Variants in SLC7A7 observed in about 807,000 individuals in gnomAD.
SLC7A7 encodes Y+L amino acid transporter 1.
SLC7A7 carries 39 observed loss-of-function variants against 47.9 expected under a neutral mutation model. The ratio of observed to expected loss-of-function variants is 0.81; its 90% CI spans 0.63 to 1.06. SLC7A7 has a LOEUF of 1.06. Among genes scored for constraint, SLC7A7 ranks in the 50% least tolerant of loss-of-function variants. The probability of loss-of-function intolerance (pLI) is 0.00; values close to 1 mark genes in which losing one functional copy is unlikely to be tolerated. For missense variants in SLC7A7, 588 were observed against 632.0 expected (o/e 0.93, Z 0.75); for synonymous variants, 234 against 242.8 (o/e 0.96, Z 0.34).
chr14:22,815,537 C>T (rs780754125), upstream of SLC7A7: 2 of 454,230 alleles, frequency 4.4e-6, no homozygotes, highest in South Asian at 3.1e-5. Context: ...ATTAAGCAAC[C>T]ATCTGGGTCC....
intron 4 of SLC7A7, among the ~76,000 whole-genome samples, chr14:22,777,404 G>GT (rs1469604286): frequency 6.6e-6 from 1 of 152,166 alleles, no homozygotes; most frequent in African/African-American, 2.4e-5. Flanking sequence ...AGAAGTGTAT[G>GT]TATCTGACTA....
intron 2 of SLC7A7, among the ~76,000 whole-genome samples, chr14:22,792,101 C>G (rs1000455047): frequency 1.3e-5 from 2 of 151,976 alleles, no homozygotes; most frequent in Non-Finnish European, 2.9e-5. Flanking sequence ...TCCCAAAGTG[C>G]TGGGATTACA....
intron 2 of SLC7A7, among the ~76,000 whole-genome samples, chr14:22,787,934 G>A (rs11157817): frequency 0.57 from 86,732 of 151,228 alleles, 25,975 homozygotes; most frequent in East Asian, 0.8. Flanking sequence ...TTAGCCGGGC[G>A]TGGTGGCGGG....
chr14:22,777,469 C>A lies in SLC7A7; in HGVS notation c.771-1151G>T, dbSNP rs933593824. Among the ~76,000 whole-genome samples the A allele has an allele frequency of 1.4e-4, 22 of 152,132 alleles. 2 individuals are homozygous for A. Among genetic ancestry groups the A allele is most frequent in the Admixed American group, 1.2e-3 (19 of 15,260 alleles). On this transcript the variant is annotated intron_variant, in intron 4 of 9. Coordinates refer to ENST00000674313, the MANE Select transcript of SLC7A7 (RefSeq NM_003982.4). ...TTCCTCAGTTTGAGAACCTCAGGAG[C>A]CATCCTAACTGGTGGGCAAAAGAAA...
intron 2 of SLC7A7, among the ~76,000 whole-genome samples, chr14:22,795,606 C>T (rs1235300117): frequency 6.6e-6 from 1 of 151,966 alleles, no homozygotes; most frequent in Admixed American, 6.6e-5. Flanking sequence ...TCCCGAGTAG[C>T]TGGGACCACA....
At chr14:22,807,075 A>G (rs2039225598) in intron 2 of SLC7A7, among the ~76,000 whole-genome samples, 1 of 151,720 alleles carries the variant, frequency 6.6e-6, no homozygotes, top group East Asian at 1.9e-4. Context: ...TTTTTTCTGT[A>G]TTTTTAGTAA....
chr14:22,811,273 T>G (rs192142575), intron 2 of SLC7A7, among the ~76,000 whole-genome samples: 78 of 152,320 alleles, frequency 5.1e-4, no homozygotes, highest in Non-Finnish European at 6.3e-4. Flanking sequence ...CAATTGCACC[T>G]GGTGCAAAAT....
chr14:22,811,086 A>C (rs913019429), intron 2 of SLC7A7, among the ~76,000 whole-genome samples: 2 of 152,246 alleles, frequency 1.3e-5, no homozygotes, highest in Admixed American at 1.3e-4. Flanking sequence ...TGCAGAGATG[A>C]GTCCAGGCCA....
At chr14:22,815,293 T>C in intron 1 of SLC7A7, 27 bp downstream of exon 1, 1 of 445,876 alleles carries the variant, frequency 2.2e-6, no homozygotes, top group South Asian at 1.6e-5. Flanking sequence ...TAAGTGGAGA[T>C]GAGAAGAGGG....
chr14:22,813,394 A>T lies in SLC7A7; in HGVS notation c.5T>A (p.Val2Asp), dbSNP rs1448981339. The T allele has an allele frequency of 6.2e-7, 1 of 1,611,568 alleles. No individual in the cohort carries two copies. Among genetic ancestry groups the T allele is most frequent in the Admixed American group, 1.7e-5 (1 of 60,018 alleles). M[V>D]DSTEYEVASQ... ...GGCCACTTCATACTCAGTGCTGTCA[A>T]CCATGGTGGAGGAGAGGAAACCCTT... is the stretch of plus-strand genomic sequence containing the variant. The change falls in exon 2 of 10, where the codon GTT (valine) becomes GAT (aspartate). Residue 2 changes from valine to aspartate, a missense_variant. Coordinates refer to ENST00000674313, the MANE Select transcript of SLC7A7 (RefSeq NM_003982.4).
In SLC7A7 at chr14:22,813,094, G is replaced by A; in HGVS notation, c.305C>T (p.Ala102Val). Reference sequence around the variant, plus strand: ...GGCCTCCAGGATATAGGCATAGCTGGCCCCAGATTTCTTAATGGTGGTGCC... The same window carrying A: ...GGCCTCCAGGATATAGGCATAGCTGACCCCAGATTTCTTAATGGTGGTGCC... ...ELGTTIKKSG[A>V]SYAYILEAFG... Residue 102 changes from alanine (A) to valine (V), a missense_variant, in exon 2 of 10, where the codon GCC becomes GTC. By Grantham distance (64) the Ala-to-Val change is moderately conservative. Transcript: ENST00000674313. The A allele has an allele frequency of 6.2e-7, 1 of 1,614,128 alleles. No individual in the cohort carries two copies. Among genetic ancestry groups the A allele is most frequent in the Non-Finnish European group, 8.5e-7 (1 of 1,180,038 alleles).
intron 2 of SLC7A7, among the ~76,000 whole-genome samples, chr14:22,794,417 G>A (rs2038977190): frequency 6.6e-6 from 1 of 152,116 alleles, no homozygotes; most frequent in South Asian, 2.1e-4. Context: ...TACCAGGAGG[G>A]TCTTATAGTA....
At position 22,809,342 on chromosome 14, in the gene SLC7A7, C is replaced by CT. The variant is rs572640614; in HGVS notation, c.499+3557dup. 4.8e-3 allele frequency among the ~76,000 whole-genome samples: 640 copies of CT among 133,612 alleles called. 39 individuals are homozygous for CT. Among genetic ancestry groups the CT allele is most frequent in the Middle Eastern group, 0.019 (5 of 264 alleles). The allele number at this position is 133,612 out of a possible 152,430, so 87.7% of individuals were successfully genotyped here. ...TATAGGCACCCACCACCACACCCAG[C>CT]TTTTTTTTTTTTTTTTGAGACAGAG... On this transcript the variant is annotated intron_variant, in intron 2 of 9. Coordinates refer to ENST00000674313, the MANE Select transcript of SLC7A7 (RefSeq NM_003982.4).
chr14:22,819,286 C>G (rs1223787307), upstream of SLC7A7, among the ~76,000 whole-genome samples: 3 of 151,940 alleles, frequency 2.0e-5, no homozygotes, highest in African/African-American at 7.3e-5. Flanking sequence ...ACAACAGAAA[C>G]AGAAAACAGA....
At position 22,786,545 on chromosome 14, in the gene SLC7A7, C is replaced by T. The variant is rs11844141; in HGVS notation, c.500-6494G>A. ...AAACTCCAGACCGTGTTGCCGACTA[C>T]GGAGTCTCAACCTGAAATCATTGTT... is the stretch of plus-strand genomic sequence containing the variant. On this transcript the variant is annotated intron_variant, in intron 2 of 9. Transcript: ENST00000674313. 3.3e-3 allele frequency among the ~76,000 whole-genome samples: 504 copies of T among 152,368 alleles called. 4 individuals carry two copies. Among genetic ancestry groups the T allele is most frequent in the African/African-American group, 0.012 (482 of 41,588 alleles).
At chr14:22,803,394 G>A (rs956219649) in intron 2 of SLC7A7, among the ~76,000 whole-genome samples, 2 of 152,096 alleles carry the variant, frequency 1.3e-5, no homozygotes, top group Non-Finnish European at 2.9e-5. Flanking sequence ...CTCCAGCCTG[G>A]GCAACAGAGC....
Position 22,773,735 on chromosome 14 carries a change from G to GTT in SLC7A7, c.1430-21_1430-20dup. The GTT allele has an allele frequency of 6.2e-7, 1 of 1,612,200 alleles. No homozygotes were observed. ...GCAGACCCTACAAAGAGAACTTTGA[G>GTT]TTGGAATTGAGAAGAGGTCAGCTGG... On this transcript the variant is annotated intron_variant, in intron 9 of 9. Transcript: ENST00000674313.
intron 2 of SLC7A7, among the ~76,000 whole-genome samples, chr14:22,788,653 A>C (rs373458725): frequency 4.0e-5 from 6 of 151,478 alleles, no homozygotes; most frequent in Non-Finnish European, 8.8e-5. Context: ...GCAGTGAGCC[A>C]AGATCCTACC....
intron 2 of SLC7A7, among the ~76,000 whole-genome samples, chr14:22,805,544 A>ATAAG (rs1480125101): frequency 5.3e-5 from 8 of 152,236 alleles, no homozygotes; most frequent in Non-Finnish European, 7.3e-5. Flanking sequence ...GTTCTCACTT[A>ATAAG]TAAGTGGGAG....
Sources: allele counts gnomAD v4.1 joint callset (sites outside exome capture counted in the v4.1 genomes callset), GRCh38; gene constraint gnomAD v4.1.1; transcripts MANE v1.5; gene names NCBI Gene and HGNC (gene_info 2026-07-23, HGNC 2026-07-21).